The following MAPKAP1 variants were observed in gnomAD, a reference collection of about 807,000 sequenced individuals.
The protein encoded by MAPKAP1 is target of rapamycin complex 2 subunit MAPKAP1.
In MAPKAP1, 20 loss-of-function variants were observed where a neutral mutation model predicts 65.7. The ratio of observed to expected loss-of-function variants is 0.30; its 90% CI spans 0.21 to 0.44. The LOEUF is 0.44. Among genes scored for constraint, MAPKAP1 ranks in the 20% least tolerant of loss-of-function variants. The pLI, the probability that MAPKAP1 is intolerant of heterozygous loss-of-function variation, is 1.00. For missense variants in MAPKAP1, 423 were observed against 648.0 expected (o/e 0.65, Z 3.77); for synonymous variants, 222 against 244.3 (o/e 0.91, Z 0.85).
chr9:125,664,318 G>T (rs1471851893), intron 3 of MAPKAP1, among the ~76,000 whole-genome samples: 1 of 151,356 alleles, frequency 6.6e-6, no homozygotes, highest in Non-Finnish European at 1.5e-5. Context: ...CTGCACTCCA[G>T]CCTGGGCAAT....
At chr9:125,693,802 TATATACACACAC>T (rs1310028604) in intron 1 of MAPKAP1, among the ~76,000 whole-genome samples, 235 of 146,568 alleles carry the variant, frequency 1.6e-3, no homozygotes, top group African/African-American at 5.2e-3. Flanking sequence ...TACACACATA[TATATACACACAC>T]ATATACACAC....
At chr9:125,554,794 CAAAAAAAAAAAAAA>C (rs56911891) in intron 6 of MAPKAP1, among the ~76,000 whole-genome samples, 7 of 65,630 alleles carry the variant, frequency 1.1e-4, no homozygotes, top group Non-Finnish European at 1.4e-4. Context: ...AGACACTTAT[CAAAAAAAAAAAAAA>C]AAAAAAAAAG....
rs1237222125 is a variant in MAPKAP1 at position 125,632,235 on chromosome 9, A to AAAAAAAAG, written c.498+25415_498+25416insCTTTTTTT. On this transcript the variant is annotated intron_variant, in intron 4 of 11. Transcript: ENST00000265960. ...AGACTCCGTCTCAAAGAAAAAAAAA[A>AAAAAAAAG]AAGAAGAAACTCACCATACTAAACT... is the stretch of plus-strand genomic sequence containing the variant. Among the ~76,000 whole-genome samples the AAAAAAAAG allele has an allele frequency of 1.9e-4, 25 of 131,340 alleles. 1 individual carries two copies. Among genetic ancestry groups the AAAAAAAAG allele is most frequent in the Non-Finnish European group, 2.9e-4 (17 of 58,950 alleles). The allele number at this position is 131,340 out of a possible 152,430, so 86.2% of individuals were successfully genotyped here. A position where few individuals can be genotyped will look rare whatever the true frequency, so the allele number is the denominator to read the frequency against.
intron 9 of MAPKAP1, among the ~76,000 whole-genome samples, chr9:125,475,722 C>T (rs1476702156): frequency 6.6e-6 from 1 of 152,178 alleles, no homozygotes; most frequent in Admixed American, 6.5e-5. Flanking sequence ...AAGGCATTTA[C>T]AAAGATTCTG....
Position 125,447,763 on chromosome 9 carries a change from A to C in MAPKAP1, c.1346-3165T>G, listed in dbSNP as rs999129137. Among the ~76,000 whole-genome samples the C allele has an allele frequency of 1.3e-5, 2 of 152,206 alleles. No homozygotes were observed. The highest frequency in any genetic ancestry group is 2.9e-5 in the Non-Finnish European group (2 of 68,036). ...GACACCAAGGCAGAAGCACCTGGCC[A>C]GAGGTGGAGAAGAGCCACTAGGGAC... On this transcript the variant is annotated intron_variant, in intron 10 of 11. Coordinates refer to ENST00000265960, the MANE Select transcript of MAPKAP1 (RefSeq NM_001006617.3). The surrounding 1 kb of genome is among the most constrained non-coding windows in gnomAD (Gnocchi z 4.5).
chr9:125,450,015 T>TGG (rs780746814), intron 10 of MAPKAP1, among the ~76,000 whole-genome samples: 101 of 152,198 alleles, frequency 6.6e-4, no homozygotes, highest in Admixed American at 1.5e-3. Flanking sequence ...CTCTGCCTGC[T>TGG]GGGTTCAAGC....
At chr9:125,666,886 T>C (rs1314760064) in intron 3 of MAPKAP1, among the ~76,000 whole-genome samples, 2 of 152,198 alleles carry the variant, frequency 1.3e-5, no homozygotes, top group African/African-American at 4.8e-5. Flanking sequence ...CATTCTTTTG[T>C]GCATTGATAA....
intron 1 of MAPKAP1, among the ~76,000 whole-genome samples, chr9:125,694,129 G>C (rs1835314622): frequency 6.6e-6 from 1 of 151,988 alleles, no homozygotes. Context: ...AGGAGTTCGA[G>C]ACCAGCCTGG....
intron 8 of MAPKAP1, among the ~76,000 whole-genome samples, chr9:125,503,673 C>T (rs1405500666): frequency 6.6e-6 from 1 of 151,942 alleles, no homozygotes; most frequent in East Asian, 1.9e-4. Context: ...ATAAATCTTT[C>T]TTGCATTTTA....
intron 4 of MAPKAP1, among the ~76,000 whole-genome samples, chr9:125,631,755 G>C (rs932209297): frequency 6.6e-6 from 1 of 152,116 alleles, no homozygotes; most frequent in Non-Finnish European, 1.5e-5. Context: ...TCATTGCCCA[G>C]AATTTACCAG....
rs1009942839 is a variant in MAPKAP1 at position 125,625,973 on chromosome 9, G to A, written c.498+31678C>T. ...AGAAAGCACATAAGAAAAAACTACTGAAGTCATACTTAAGGTGTAGTATGA... is the reference window on the plus strand; with the variant it reads ...AGAAAGCACATAAGAAAAAACTACTAAAGTCATACTTAAGGTGTAGTATGA... On this transcript the variant is annotated intron_variant, in intron 4 of 11. Coordinates refer to ENST00000265960, the MANE Select transcript of MAPKAP1 (RefSeq NM_001006617.3). 5.3e-5 allele frequency among the ~76,000 whole-genome samples: 8 copies of A among 152,154 alleles called. No homozygotes were observed. The South Asian group carries it at 1.2e-3, about 24-fold the overall frequency.
At chr9:125,705,474 T>A (rs779586857) in intron 1 of MAPKAP1, among the ~76,000 whole-genome samples, 6 of 152,178 alleles carry the variant, frequency 3.9e-5, no homozygotes, top group Non-Finnish European at 5.9e-5. Flanking sequence ...CCTACCACTG[T>A]CACAAGAACT....
chr9:125,706,725 C>G (rs1835772760), intron 1 of MAPKAP1, among the ~76,000 whole-genome samples: 1 of 151,972 alleles, frequency 6.6e-6, no homozygotes, highest in Admixed American at 6.6e-5. Flanking sequence ...GTCAACTACA[C>G]CCCCCACCCC....
chr9:125,627,699 G>GAATGGCAT (rs2131676999), intron 4 of MAPKAP1, among the ~76,000 whole-genome samples: 1 of 152,140 alleles, frequency 6.6e-6, no homozygotes, highest in South Asian at 2.1e-4. Flanking sequence ...TCTGACTCTT[G>GAATGGCAT]AATGGCATAA....
chr9:125,627,446 A>G (rs1346244534), intron 4 of MAPKAP1, among the ~76,000 whole-genome samples: 1 of 152,214 alleles, frequency 6.6e-6, no homozygotes, highest in Non-Finnish European at 1.5e-5. Flanking sequence ...ATATAAAGTG[A>G]AGACCCTCTC....
At chr9:125,619,216 T>C (rs1832828616) in intron 4 of MAPKAP1, among the ~76,000 whole-genome samples, 1 of 152,228 alleles carries the variant, frequency 6.6e-6, no homozygotes, top group Non-Finnish European at 1.5e-5. Flanking sequence ...TATTTACATC[T>C]TGCAATTTAA....
At position 125,459,183 on chromosome 9, in the gene MAPKAP1, C is replaced by T. The variant is rs557006230; in HGVS notation, c.1345+8789G>A. Among the ~76,000 whole-genome samples the T allele has an allele frequency of 6.9e-4, 101 of 146,750 alleles. 1 individual carries two copies. In the East Asian group the frequency reaches 0.018, roughly 26 times the overall value. Reference sequence around the variant, plus strand: ...GCTCCTCACATCCCAGACGGGGCGGCGGGGCAGAGGCGCTCCCCACATCTC... The same window carrying T: ...GCTCCTCACATCCCAGACGGGGCGGTGGGGCAGAGGCGCTCCCCACATCTC... On this transcript the variant is annotated intron_variant, in intron 10 of 11. Coordinates refer to ENST00000265960, the MANE Select transcript of MAPKAP1 (RefSeq NM_001006617.3).
At chr9:125,669,711 G>T in intron 3 of MAPKAP1, 107 bp downstream of exon 3, 1 of 536,516 alleles carries the variant, frequency 1.9e-6, no homozygotes, top group Non-Finnish European at 3.2e-6. Context: ...AACACTAGAG[G>T]TATCTAAGTC....
At chr9:125,580,903 T>C (rs829178) in intron 5 of MAPKAP1, among the ~76,000 whole-genome samples, 136,587 of 152,248 alleles carry the variant, frequency 0.9, 62,054 homozygotes, top group East Asian at 1. Context: ...CTGGCAACCA[T>C]TCAATTGTTC....
Sources: allele counts gnomAD v4.1 joint callset (sites outside exome capture counted in the v4.1 genomes callset), GRCh38; gene constraint gnomAD v4.1.1; non-coding constraint Gnocchi (gnomAD v3.1); transcripts MANE v1.5; gene names NCBI Gene and HGNC (gene_info 2026-07-23, HGNC 2026-07-21).